SUGCT: variants seen among roughly 807,000 people sequenced by gnomAD.
SUGCT encodes the protein succinyl-CoA:glutarate CoA-transferase.
A neutral mutation model predicts 55.0 loss-of-function variants in SUGCT; 41 were observed. The ratio of observed to expected loss-of-function variants is 0.74; its 90% CI spans 0.58 to 0.97. SUGCT has a LOEUF of 0.97. Ranked by LOEUF, SUGCT falls within the 50% of genes least tolerant of loss-of-function variation. SUGCT has a pLI of 0.00. For synonymous variants in SUGCT, 187 were observed against 200.4 expected (o/e 0.93, Z 0.56); for missense variants, 568 against 547.8 (o/e 1.04, Z -0.37).
chr7:40,659,846 A>G (rs1458552918), intron 12 of SUGCT, among the ~76,000 whole-genome samples: 1 of 152,154 alleles, frequency 6.6e-6, no homozygotes, highest in Admixed American at 6.5e-5. Context: ...TCTACTATAC[A>G]ATAGTGTACA....
intron 13 of SUGCT, among the ~76,000 whole-genome samples, chr7:40,756,406 A>G (rs946151689): frequency 2.0e-5 from 3 of 152,210 alleles, no homozygotes; most frequent in African/African-American, 7.2e-5. Context: ...TTATTTAGTT[A>G]GTTTTCAATT....
chr7:40,523,508 A>T (rs1793659426), intron 12 of SUGCT, among the ~76,000 whole-genome samples: 1 of 152,058 alleles, frequency 6.6e-6, no homozygotes. Context: ...GCTAGAAAAA[A>T]CTTCCACATA....
chr7:40,646,315 A>G (rs889365203), intron 12 of SUGCT, among the ~76,000 whole-genome samples: 1 of 151,990 alleles, frequency 6.6e-6, no homozygotes, highest in South Asian at 2.1e-4. Context: ...TTTTCTATCT[A>G]TTATCTATTT....
chr7:40,596,983 G>A (rs1272505190), intron 12 of SUGCT, among the ~76,000 whole-genome samples: 1 of 152,198 alleles, frequency 6.6e-6, no homozygotes, highest in African/African-American at 2.4e-5. Context: ...ATGCAACCTA[G>A]TGGCTGCATC....
chr7:40,924,728 A>G, the SUGCT span, among the ~76,000 whole-genome samples: 2 of 152,342 alleles, frequency 1.3e-5, no homozygotes, highest in African/African-American at 4.8e-5. Context: ...TACAGTGTGC[A>G]TAACGTACAG....
At chr7:40,758,866 A>G (rs574015162) in intron 13 of SUGCT, among the ~76,000 whole-genome samples, 2 of 152,240 alleles carry the variant, frequency 1.3e-5, no homozygotes, top group Non-Finnish European at 2.9e-5. Context: ...TGGGTTGCCA[A>G]TTAGTCTAAT....
At chr7:40,513,483 A>T (rs1226940120) in intron 12 of SUGCT, among the ~76,000 whole-genome samples, 2 of 152,150 alleles carry the variant, frequency 1.3e-5, no homozygotes, top group Non-Finnish European at 2.9e-5. Context: ...GCGTTCTGTG[A>T]TAAGATTCAG....
downstream of SUGCT, among the ~76,000 whole-genome samples, chr7:40,863,482 G>A (rs888853329): frequency 4.6e-5 from 7 of 152,212 alleles, no homozygotes; most frequent in South Asian, 2.1e-4. Flanking sequence ...TCATTCATAC[G>A]TAGGATTCAT....
chr7:40,907,568 A>G, the SUGCT span, among the ~76,000 whole-genome samples: 22 of 152,192 alleles, frequency 1.4e-4, no homozygotes, highest in Non-Finnish European at 1.5e-5. Context: ...AAAAGACCCT[A>G]TGAAGTAGGT....
intron 8 of SUGCT, among the ~76,000 whole-genome samples, chr7:40,316,388 A>G (rs1795433613): frequency 6.6e-6 from 1 of 152,160 alleles, no homozygotes; most frequent in Non-Finnish European, 1.5e-5. Flanking sequence ...GGTGCAAAAT[A>G]AAAGGAGATA....
chr7:40,967,061 G>A, the SUGCT span: 7 of 152,286 alleles, frequency 4.6e-5, no homozygotes, highest in South Asian at 1.5e-3. Flanking sequence ...GCATTTCCAA[G>A]CTCATCCTTC....
chr7:40,140,617 T>G (rs1028544379), intron 1 of SUGCT, among the ~76,000 whole-genome samples: 1 of 152,124 alleles, frequency 6.6e-6, no homozygotes, highest in African/African-American at 2.4e-5. Context: ...GTAAAGCTGG[T>G]CTTGAACTCC....
the SUGCT span, among the ~76,000 whole-genome samples, chr7:40,940,503 A>G: frequency 6.6e-6 from 1 of 152,070 alleles, no homozygotes; most frequent in South Asian, 2.1e-4. Flanking sequence ...TGATTCTTCC[A>G]TACCGTGAGC....
chr7:40,796,766 T>A (rs1790573798), intron 13 of SUGCT, among the ~76,000 whole-genome samples: 1 of 152,198 alleles, frequency 6.6e-6, no homozygotes, highest in Non-Finnish European at 1.5e-5. Flanking sequence ...TCTTTTTATG[T>A]CTTAGATATT....
chr7:40,912,073 T>C, the SUGCT span, among the ~76,000 whole-genome samples: 3 of 152,210 alleles, frequency 2.0e-5, no homozygotes, highest in Non-Finnish European at 4.4e-5. Flanking sequence ...TGCCCTGAAA[T>C]TTATTGAGGA....
intron 7 of SUGCT, among the ~76,000 whole-genome samples, chr7:40,260,996 T>C (rs1427212879): frequency 6.6e-6 from 1 of 152,144 alleles, no homozygotes; most frequent in Non-Finnish European, 1.5e-5. Context: ...TCTATCTCAG[T>C]TACTTTTCAG....
chr7:40,333,089 C>T (rs1433242848), intron 9 of SUGCT, among the ~76,000 whole-genome samples: 1 of 152,046 alleles, frequency 6.6e-6, no homozygotes, highest in African/African-American at 2.4e-5. Context: ...AGTAAGTATC[C>T]TGATTCCATT....
chr7:40,222,993 C>CTTT (rs1562589551), intron 6 of SUGCT, among the ~76,000 whole-genome samples: 809 of 72,738 alleles, frequency 0.011, 10 homozygotes, highest in African/African-American at 0.038. Flanking sequence ...TTCTTTCCTT[C>CTTT]CTTCCTTCCT....
At chr7:40,906,014 G>C in the SUGCT span, among the ~76,000 whole-genome samples, 1 of 152,106 alleles carries the variant, frequency 6.6e-6, no homozygotes, top group African/African-American at 2.4e-5. Flanking sequence ...ATGAGCCACT[G>C]CACCCTGCCA....
Sources: gnomAD v4.1 joint callset for allele counts (sites outside exome capture counted in the v4.1 genomes callset) on GRCh38, gnomAD v4.1.1 for gene constraint, MANE v1.5 for transcripts, NCBI Gene and HGNC (gene_info 2026-07-23, HGNC 2026-07-21) for gene names.